ARMC3: variants seen among roughly 807,000 people sequenced by gnomAD.
The protein encoded by ARMC3 is armadillo repeat containing 3, also known as armadillo repeat-containing protein 3.
A neutral mutation model predicts 90.3 loss-of-function variants in ARMC3; 74 were observed. The observed-to-expected ratio is 0.82, with a 90% CI of 0.68 to 0.99. The LOEUF (loss-of-function observed/expected upper bound fraction) is 0.99. ARMC3 is among the 50% of genes least tolerant of loss of function. ARMC3 has a pLI of 0.00. For missense variants in ARMC3, 958 were observed against 1,042.8 expected (o/e 0.92, Z 1.12); for synonymous variants, 334 against 361.8 (o/e 0.92, Z 0.87).
At chr10:22,961,626 C>A in intron 6 of ARMC3, 2 of 337,782 alleles carry the variant, frequency 5.9e-6, no homozygotes, top group Non-Finnish European at 1.1e-5. Context: ...TCAGGATTTG[C>A]TGTATAATAA....
Position 23,002,601 on chromosome 10 carries a change from TTTTC to T in ARMC3, c.1562+554_1562+557del, listed in dbSNP as rs1564385810. Reference sequence around the variant, plus strand: ...TTCTTTCTTTTTCTTTCTTTTCTTTTTTTCTTTCTTTTTTTTTTTGGCAGAGTCT... The same window carrying T: ...TTCTTTCTTTTTCTTTCTTTTCTTTTTTTCTTTTTTTTTTTGGCAGAGTCT... On this transcript the variant is annotated intron_variant, in intron 12 of 18. Coordinates refer to ENST00000298032, the MANE Select transcript of ARMC3 (RefSeq NM_173081.5). 2.7e-5 allele frequency among the ~76,000 whole-genome samples: 4 copies of T among 150,692 alleles called. No individual in the cohort carries two copies. In the South Asian group the frequency reaches 6.3e-4, roughly 24 times the overall value.
At chr10:23,002,665 A>G (rs1432682719) in intron 12 of ARMC3, among the ~76,000 whole-genome samples, 1 of 149,266 alleles carries the variant, frequency 6.7e-6, no homozygotes, top group African/African-American at 2.5e-5. Context: ...CAGTGGTGCA[A>G]TCTCAGCTCA....
chr10:22,939,650 A>G (rs1266644339), intron 2 of ARMC3, among the ~76,000 whole-genome samples: 1 of 152,200 alleles, frequency 6.6e-6, no homozygotes, highest in Admixed American at 6.5e-5. Flanking sequence ...ACAAAATTCA[A>G]TATCCTTTAA....
intron 16 of ARMC3, among the ~76,000 whole-genome samples, chr10:23,020,252 C>CGAGTA (rs1838457001): frequency 6.6e-6 from 1 of 152,100 alleles, no homozygotes; most frequent in African/African-American, 2.4e-5. Flanking sequence ...TTTAGCCTCC[C>CGAGTA]GAGTAGCTGG....
rs376000363 is a variant in ARMC3 at position 22,952,025 on chromosome 10, T to A, written c.167-3782T>A. On this transcript the variant is annotated intron_variant, in intron 3 of 18. Coordinates refer to ENST00000298032, the MANE Select transcript of ARMC3 (RefSeq NM_173081.5). ...CTGTAGTCCCAGCTGCTTGGGAAGC[T>A]GAGGCAGGGGAATCTCTTGAACCAG... is the stretch of plus-strand genomic sequence containing the variant. Among the ~76,000 whole-genome samples, 16 of 152,172 alleles carry A rather than the reference T, an allele frequency of 1.1e-4. No individual in the cohort carries two copies. The East Asian group carries it at 1.7e-3, about 17-fold the overall frequency.
chr10:22,959,751 A>G, intron 6 of ARMC3, 177 bp downstream of exon 6: 1 of 691,156 alleles, frequency 1.4e-6, no homozygotes, highest in South Asian at 1.8e-5. Context: ...ATAATCTTTC[A>G]ATTTTCACAT....
chr10:22,976,544 C>T (rs1317300153), intron 8 of ARMC3, among the ~76,000 whole-genome samples: 1 of 152,178 alleles, frequency 6.6e-6, no homozygotes, highest in Non-Finnish European at 1.5e-5. Flanking sequence ...ATTACCAGAC[C>T]AGCCTTCACC....
chr10:23,034,973 G>A (rs1839069272), intron 18 of ARMC3, among the ~76,000 whole-genome samples: 1 of 152,116 alleles, frequency 6.6e-6, no homozygotes, highest in Non-Finnish European at 1.5e-5. Flanking sequence ...TGTCTCATAG[G>A]CACTGTATTT....
chr10:23,002,654 G>C (rs1304857751), intron 12 of ARMC3, among the ~76,000 whole-genome samples: 4 of 146,848 alleles, frequency 2.7e-5, no homozygotes, highest in African/African-American at 1.0e-4. Context: ...AGGCTAAAGT[G>C]CAGTGGTGCA....
intron 1 of ARMC3, among the ~76,000 whole-genome samples, chr10:22,929,327 AAAG>A (rs1833843671): frequency 1.4e-5 from 2 of 140,590 alleles, no homozygotes; most frequent in East Asian, 9.0e-4. Flanking sequence ...AAAGGAAAGG[AAAG>A]GAAAGGAAAG....
chr10:23,022,168 T>G (rs1838537381), intron 16 of ARMC3, among the ~76,000 whole-genome samples: 1 of 152,240 alleles, frequency 6.6e-6, no homozygotes. Context: ...TTGAATGCTT[T>G]TAGGTTTTCT....
chr10:22,943,596 T>C (rs577900819), intron 2 of ARMC3, among the ~76,000 whole-genome samples: 145 of 152,316 alleles, frequency 9.5e-4, no homozygotes, highest in Non-Finnish European at 1.0e-3. Context: ...ATTATTAGTT[T>C]TTTTTCCCTT....
intron 5 of ARMC3, 81 bp from the exon 6 acceptor site, chr10:22,959,318 T>C: frequency 7.0e-7 from 1 of 1,430,642 alleles, no homozygotes; most frequent in Non-Finnish European, 9.5e-7. Context: ...TTGTGGAGCT[T>C]TGGTTTCCAA....
chr10:22,941,991 G>A (rs999677819), intron 2 of ARMC3, among the ~76,000 whole-genome samples: 19 of 152,294 alleles, frequency 1.2e-4, no homozygotes, highest in African/African-American at 4.6e-4. Context: ...TAAATGCAAA[G>A]AAGAAAATAC....
chr10:22,969,010 A>G (rs1475171178), intron 8 of ARMC3, among the ~76,000 whole-genome samples: 2 of 152,230 alleles, frequency 1.3e-5, no homozygotes, highest in African/African-American at 2.4e-5. Context: ...TCAAAATACA[A>G]TTCATTTCTA....
chr10:23,026,709 A>G (rs1564404476), intron 16 of ARMC3, among the ~76,000 whole-genome samples: 1 of 152,168 alleles, frequency 6.6e-6, no homozygotes, highest in South Asian at 2.1e-4. Flanking sequence ...ATACAATCCA[A>G]TCATTTTATT....
At chr10:22,954,330 T>G (rs1834843878) in intron 3 of ARMC3, among the ~76,000 whole-genome samples, 1 of 152,222 alleles carries the variant, frequency 6.6e-6, no homozygotes, top group Middle Eastern at 3.4e-3. Flanking sequence ...TAAAAAAATT[T>G]TCTAGACTTT....
intron 10 of ARMC3, among the ~76,000 whole-genome samples, chr10:22,986,108 ACGCCCCCCCCCCG>A (rs990562802): frequency 9.0e-6 from 1 of 110,836 alleles, no homozygotes; most frequent in African/African-American, 3.5e-5. Context: ...CCTGCACTGC[ACGCCCCCCCCCCG>A]CGCCACACAC....
intron 10 of ARMC3, chr10:22,997,317 C>T (rs1475299694): frequency 6.6e-6 from 1 of 152,174 alleles, no homozygotes; most frequent in African/African-American, 2.4e-5. Flanking sequence ...CTGGCTAGAA[C>T]TTGGATGGGA....
Sources: gnomAD v4.1 joint callset for allele counts (sites outside exome capture counted in the v4.1 genomes callset) on GRCh38, gnomAD v4.1.1 for gene constraint, MANE v1.5 for transcripts, NCBI Gene and HGNC (gene_info 2026-07-23, HGNC 2026-07-21) for gene names.